ILDR1: variants seen among roughly 807,000 people sequenced by gnomAD.
The protein encoded by ILDR1 is immunoglobulin like domain containing receptor 1.
ILDR1 carries 56 observed loss-of-function variants against 62.4 expected under a neutral mutation model. The ratio of observed to expected loss-of-function variants is 0.90; its 90% confidence interval spans 0.72 to 1.12. The LOEUF is 1.12. Ranked by LOEUF, ILDR1 falls within the 50% of genes most tolerant of loss-of-function variation. The pLI is 0.00. For synonymous variants in ILDR1, 284 were observed against 277.8 expected (o/e 1.02, Z -0.22); for missense variants, 736 against 710.6 (o/e 1.04, Z -0.41).
the ILDR1 span, among the ~76,000 whole-genome samples, chr3:122,053,081 T>C: frequency 5.3e-5 from 8 of 152,190 alleles, no homozygotes; most frequent in Non-Finnish European, 2.9e-5. Flanking sequence ...TCTGGATTTC[T>C]CACAAAAGGA....
the ILDR1 span, among the ~76,000 whole-genome samples, chr3:122,058,288 G>A: frequency 1.3e-5 from 2 of 152,262 alleles, no homozygotes; most frequent in African/African-American, 4.8e-5. Flanking sequence ...TGTGCTTTTG[G>A]GATGGAGGAG....
intron 7 of ILDR1, among the ~76,000 whole-genome samples, chr3:121,990,462 T>A (rs1292099617): frequency 2.0e-5 from 3 of 152,260 alleles, no homozygotes. Context: ...CTTTGCTTCT[T>A]GGGAGTAACT....
At chr3:122,038,700 T>G in the ILDR1 span, among the ~76,000 whole-genome samples, 60 of 152,224 alleles carry the variant, frequency 3.9e-4, no homozygotes, top group African/African-American at 1.0e-3. Flanking sequence ...GACATGGAAT[T>G]TAAAATAGCT....
At chr3:122,041,790 A>T in the ILDR1 span, among the ~76,000 whole-genome samples, 8 of 151,314 alleles carry the variant, frequency 5.3e-5, no homozygotes, top group African/African-American at 1.9e-4. Context: ...CATTTATTAG[A>T]TTTAACTTTT....
the ILDR1 span, among the ~76,000 whole-genome samples, chr3:122,057,663 T>C: frequency 2.0e-5 from 3 of 152,366 alleles, no homozygotes; most frequent in East Asian, 5.8e-4. Context: ...CATCTAGTGA[T>C]GTGTGATAAT....
chr3:122,007,079 G>GTA lies in ILDR1; in HGVS notation c.139_140dup (p.Thr49ProfsTer11). On this transcript the variant is annotated frameshift_variant, in exon 2 of 8. Transcript: ENST00000344209. LOFTEE classifies it high-confidence loss of function. ...CGTCCTGGAGCTGGGCAGAGGTGGT[G>GTA]TAGTCACATTTGAGGATGATAGAGG... 1 of 1,614,096 alleles carries GTA rather than the reference G, an allele frequency of 6.2e-7. No individual in the cohort carries two copies. Among genetic ancestry groups the GTA allele is most frequent in the South Asian group, 1.1e-5 (1 of 91,088 alleles).
chr3:122,045,318 G>T, the ILDR1 span, among the ~76,000 whole-genome samples: 2 of 149,672 alleles, frequency 1.3e-5, no homozygotes, highest in African/African-American at 2.4e-5. Flanking sequence ...TACATTTGCT[G>T]AGGAGAGCTT....
chr3:122,029,536 A>G, the ILDR1 span, among the ~76,000 whole-genome samples: 1 of 149,230 alleles, frequency 6.7e-6, no homozygotes, highest in Non-Finnish European at 1.5e-5. Flanking sequence ...ATATATATTT[A>G]GGGGAATGGG....
At chr3:122,014,139 G>GAC (rs2071744269) in intron 1 of ILDR1, among the ~76,000 whole-genome samples, 1 of 152,154 alleles carries the variant, frequency 6.6e-6, no homozygotes, top group Non-Finnish European at 1.5e-5. Flanking sequence ...GCACTTAAGG[G>GAC]ACATTCACAA....
intron 3 of ILDR1, among the ~76,000 whole-genome samples, chr3:122,002,858 A>G (rs931791370): frequency 6.6e-6 from 1 of 152,214 alleles, no homozygotes. Flanking sequence ...TTATAAGATC[A>G]TCAGGGTGGA....
At chr3:122,046,600 T>G in the ILDR1 span, among the ~76,000 whole-genome samples, 1 of 151,132 alleles carries the variant, frequency 6.6e-6, no homozygotes, top group Non-Finnish European at 1.5e-5. Context: ...CCATATTTCT[T>G]GGAGGCTTTG....
chr3:122,058,342 G>A, the ILDR1 span, among the ~76,000 whole-genome samples: 3 of 152,278 alleles, frequency 2.0e-5, no homozygotes, highest in Middle Eastern at 3.4e-3. Context: ...CAGCCTCCAG[G>A]GAGTGACTGA....
the ILDR1 span, among the ~76,000 whole-genome samples, chr3:122,038,776 C>T: frequency 2.0e-5 from 3 of 152,030 alleles, no homozygotes; most frequent in East Asian, 5.8e-4. Flanking sequence ...CAGATATTTT[C>T]AGCAGAAAGA....
chr3:122,052,370 C>G, the ILDR1 span, among the ~76,000 whole-genome samples: 3 of 152,192 alleles, frequency 2.0e-5, no homozygotes, highest in Non-Finnish European at 4.4e-5. Flanking sequence ...TTCCATGTCC[C>G]CTAGGGATAG....
At chr3:122,040,723 C>CAAAAA in the ILDR1 span, among the ~76,000 whole-genome samples, 2 of 65,400 alleles carry the variant, frequency 3.1e-5, no homozygotes, top group East Asian at 5.1e-4. Context: ...AATCCAGATG[C>CAAAAA]AAAAAAAAAA....
intron 1 of ILDR1, among the ~76,000 whole-genome samples, chr3:122,020,436 G>T (rs1195784559): frequency 6.6e-6 from 1 of 152,172 alleles, no homozygotes; most frequent in Non-Finnish European, 1.5e-5. Flanking sequence ...AAAACTATCT[G>T]CTAAAATAGC....
Position 122,001,732 on chromosome 3 carries a change from C to T in ILDR1, c.499+13G>A. On this transcript the variant is annotated intron_variant, in intron 4 of 7. Transcript: ENST00000344209. ...GTGAGGGTGACTGAATAGAAAGCTC[C>T]AGTAGCACTTACGTAGGACGATGAG... 1 of 1,612,692 alleles carries T rather than the reference C, an allele frequency of 6.2e-7. No individual in the cohort carries two copies. The highest frequency in any genetic ancestry group is 8.5e-7 in the Non-Finnish European group (1 of 1,179,868).
chr3:122,006,521 G>A (rs1431474654), intron 2 of ILDR1, among the ~76,000 whole-genome samples: 1 of 152,140 alleles, frequency 6.6e-6, no homozygotes, highest in Non-Finnish European at 1.5e-5. Context: ...GTCAGCAGAG[G>A]AATGACCATC....
chr3:122,060,140 G>A, the ILDR1 span, among the ~76,000 whole-genome samples: 1 of 152,188 alleles, frequency 6.6e-6, no homozygotes, highest in Non-Finnish European at 1.5e-5. Context: ...CATCAGGGAG[G>A]AGGGAAAGAA....
Sources: allele counts gnomAD v4.1 joint callset (sites outside exome capture counted in the v4.1 genomes callset), GRCh38; gene constraint gnomAD v4.1.1; transcripts MANE v1.5; gene names NCBI Gene and HGNC (gene_info 2026-07-23, HGNC 2026-07-21).